PSIP1: variants seen among roughly 807,000 people sequenced by gnomAD.
PSIP1 encodes PC4 and SFRS1-interacting protein.
In PSIP1, 19 loss-of-function variants were observed where a neutral mutation model predicts 74.7. The ratio of observed to expected loss-of-function variants is 0.25; its 90% CI spans 0.18 to 0.37. PSIP1 has a LOEUF of 0.37. Ranked by LOEUF, PSIP1 falls within the 10% of genes least tolerant of loss-of-function variation. The probability of loss-of-function intolerance (pLI) is 1.00; values close to 1 mark genes in which losing one functional copy is unlikely to be tolerated. For missense variants in PSIP1, 601 were observed against 614.3 expected (o/e 0.98, Z 0.23); for synonymous variants, 222 against 195.3 (o/e 1.14, Z -1.14).
chr9:15,488,351 G>C (rs2036649262), intron 4 of PSIP1, among the ~76,000 whole-genome samples: 1 of 151,960 alleles, frequency 6.6e-6, no homozygotes. Context: ...ACAAAAAAAA[G>C]AGTAAAAAGC....
chr9:15,505,789 T>G (rs947148030), intron 3 of PSIP1: 6 of 152,236 alleles, frequency 3.9e-5, no homozygotes, highest in African/African-American at 1.2e-4. Flanking sequence ...TAAGCAACTT[T>G]AAACCAAATA....
chr9:15,488,525 G>C (rs2036659014), intron 4 of PSIP1, among the ~76,000 whole-genome samples: 1 of 152,084 alleles, frequency 6.6e-6, no homozygotes, highest in African/African-American at 2.4e-5. Flanking sequence ...CTATTATAAA[G>C]CCATCTGTTT....
At chr9:15,486,802 A>C in intron 5 of PSIP1, 25 bp downstream of exon 5, 1 of 1,520,120 alleles carries the variant, frequency 6.6e-7, no homozygotes, top group Non-Finnish European at 9.0e-7. Flanking sequence ...AATGGGTTTA[A>C]AATGTTAGGA....
rs2035780605 is a variant in PSIP1, at chr9:15,470,578, C to G, written c.978-585G>C. 4 of 938,020 alleles carry G rather than the reference C, an allele frequency of 4.3e-6. No homozygotes were observed. In the African/African-American group the frequency reaches 7.1e-5, roughly 17 times the overall value. 58.1% of individuals were successfully genotyped at this position (938,020 alleles called of 1,614,324 possible). On this transcript the variant is annotated intron_variant, in intron 10 of 15. Transcript: ENST00000380733. ...ATTTCTAGTACCTTGGCTTAGAGTTCAGGCCATATTATGAACCAATTCAAA... is the reference window on the plus strand; with the variant it reads ...ATTTCTAGTACCTTGGCTTAGAGTTGAGGCCATATTATGAACCAATTCAAA...
In PSIP1 at chr9:15,469,324, T is replaced by A. The variant is rs2035746422; in HGVS notation, c.1046A>T (p.Asp349Val). The change falls in exon 12 of 16, where the codon GAT becomes GTT. Residue 349 changes from aspartate to valine, a missense_variant. Coordinates refer to ENST00000380733, the MANE Select transcript of PSIP1 (RefSeq NM_033222.5). ...KVEKKRETSM[D>V]SRLQRIHAEI... is the part of the protein sequence containing the mutation. ...AGCATGTATCCTTTGAAGTCGAGAA[T>A]CCATTGATGTTTCTACAAATTAAAA... The A allele has an allele frequency of 6.4e-7, 1 of 1,565,398 alleles. No individual in the cohort carries two copies. Among genetic ancestry groups the A allele is most frequent in the South Asian group, 1.2e-5 (1 of 84,962 alleles).
At chr9:15,469,584 T>C (rs2035752608) in intron 11 of PSIP1, among the ~76,000 whole-genome samples, 1 of 152,122 alleles carries the variant, frequency 6.6e-6, no homozygotes, top group Admixed American at 6.5e-5. Context: ...TTTCCTAAAA[T>C]AAATAGTCTG....
chr9:15,509,226 C>T (rs2037737002), intron 2 of PSIP1, among the ~76,000 whole-genome samples: 1 of 152,130 alleles, frequency 6.6e-6, no homozygotes. Context: ...AACTTCAGAA[C>T]CCCATGTAAG....
rs374433704 is a variant in PSIP1 at position 15,486,934 on chromosome 9, G to A, written c.289-3C>T. On this transcript the variant is annotated splice_polypyrimidine_tract_variant and splice_region_variant and intron_variant, in intron 4 of 15. Coordinates refer to ENST00000380733, the MANE Select transcript of PSIP1 (RefSeq NM_033222.5). ...GCATTTGATTGTTTAGTTGCTGCCTGTGAGCAATCAACTCTATTAATTTCA... is the reference window on the plus strand; with the variant it reads ...GCATTTGATTGTTTAGTTGCTGCCTATGAGCAATCAACTCTATTAATTTCA... The A allele has an allele frequency of 1.9e-6, 3 of 1,576,596 alleles. No homozygotes were observed. Among genetic ancestry groups the A allele is most frequent in the African/African-American group, 2.7e-5 (2 of 73,600 alleles).
intron 6 of PSIP1, among the ~76,000 whole-genome samples, chr9:15,483,922 G>C (rs895170460): frequency 8.5e-5 from 13 of 152,100 alleles, no homozygotes; most frequent in African/African-American, 3.1e-4. Context: ...GAGGCCAGGA[G>C]TTTGAGACCA....
At chr9:15,492,262 T>C (rs2036865612) in intron 3 of PSIP1, 1 of 152,192 alleles carries the variant, frequency 6.6e-6, no homozygotes, top group South Asian at 2.1e-4. Flanking sequence ...ACTTCCTAGA[T>C]ACAATGGGGG....
At chr9:15,507,523 C>G (rs944750093) in intron 2 of PSIP1, among the ~76,000 whole-genome samples, 8 of 152,008 alleles carry the variant, frequency 5.3e-5, no homozygotes, top group African/African-American at 1.9e-4. Flanking sequence ...TGTCAGGTGC[C>G]TGTAATCTCA....
chr9:15,492,478 C>A (rs576735229), intron 3 of PSIP1, among the ~76,000 whole-genome samples: 1 of 152,304 alleles, frequency 6.6e-6, no homozygotes, highest in South Asian at 2.1e-4. Context: ...TATGGTTTTG[C>A]ATGGTACACA....
At chr9:15,476,695 A>G (rs895799608) in intron 8 of PSIP1, among the ~76,000 whole-genome samples, 1 of 152,212 alleles carries the variant, frequency 6.6e-6, no homozygotes, top group African/African-American at 2.4e-5. Flanking sequence ...TTAAATATAA[A>G]AAGACGAGCA....
In PSIP1 at chr9:15,467,809, TACAC is replaced by T. The variant is rs1424773208; in HGVS notation, c.1420+817_1420+820del. On this transcript the variant is annotated intron_variant, in intron 14 of 15. Transcript: ENST00000380733. The stretch of plus-strand genomic sequence containing the variant: ...AAGGTTCAGTGCCTTACATATATGC[TACAC>T]ATCTAAGTGCTTTGTAAGACTTTAT... 2.0e-5 allele frequency among the ~76,000 whole-genome samples: 3 copies of T among 152,226 alleles called. No homozygotes were observed. In the East Asian group the frequency reaches 5.8e-4, roughly 29 times the overall value.
intron 3 of PSIP1, chr9:15,504,958 CTTTTTTTTTT>C (rs761643860): frequency 7.9e-6 from 1 of 126,384 alleles, no homozygotes; most frequent in Non-Finnish European, 1.7e-5. Context: ...GGCCTAAGAA[CTTTTTTTTTT>C]TTTTTTTTTT....
At chr9:15,510,030 A>T (rs1307482900) in intron 2 of PSIP1, 87 bp downstream of exon 2, 2 of 1,349,820 alleles carry the variant, frequency 1.5e-6, no homozygotes, top group South Asian at 2.6e-5. Flanking sequence ...GAGAAAGGAC[A>T]GAAGAAAAAA....
intron 3 of PSIP1, chr9:15,491,940 A>T (rs898748661): frequency 6.6e-6 from 1 of 152,188 alleles, no homozygotes; most frequent in African/African-American, 2.4e-5. Flanking sequence ...CACAAGAACA[A>T]CATGGGGGAA....
At chr9:15,486,166 C>G (rs912131603) in intron 5 of PSIP1, 98 bp from the exon 6 acceptor site, 117 of 976,008 alleles carry the variant, frequency 1.2e-4, no homozygotes, top group Middle Eastern at 8.8e-4. Context: ...TAACTGAAAG[C>G]ATTGGGGAAA....
intron 6 of PSIP1, 22 bp from the exon 7 acceptor site, chr9:15,479,709 A>C: frequency 6.3e-7 from 1 of 1,597,234 alleles, no homozygotes; most frequent in Non-Finnish European, 8.6e-7. Flanking sequence ...AAATTTAATT[A>C]ACTTATTTAG....
Sources: allele counts gnomAD v4.1 joint callset (sites outside exome capture counted in the v4.1 genomes callset), GRCh38; gene constraint gnomAD v4.1.1; transcripts MANE v1.5; gene names NCBI Gene and HGNC (gene_info 2026-07-23, HGNC 2026-07-21).